C5: variants seen among roughly 807,000 people sequenced by gnomAD.
C5 encodes C3 and PZP-like alpha-2-macroglobulin domain-containing protein 4.
Under a neutral mutation model 218.8 loss-of-function variants are expected in C5, and 140 were observed. The observed-to-expected ratio is 0.64, with a 90% CI of 0.56 to 0.74. The LOEUF (loss-of-function observed/expected upper bound fraction) is 0.74, where lower values mean the gene tolerates loss of function less well. Among genes scored for constraint, C5 ranks in the 30% least tolerant of loss-of-function variants. The pLI is 0.00. For missense variants in C5, 1,700 were observed against 1,969.6 expected (o/e 0.86, Z 2.59); for synonymous variants, 614 against 682.3 (o/e 0.90, Z 1.56).
chr9:120,980,231 TTTAA>T lies in C5; in HGVS notation c.3506_3509del (p.Ile1169LysfsTer43), dbSNP rs1394824996. On this transcript the variant is annotated frameshift_variant, in exon 28 of 41. Coordinates refer to ENST00000223642, the MANE Select transcript of C5 (RefSeq NM_001735.3). LOFTEE classifies it high-confidence loss of function. Reference sequence around the variant, plus strand: ...TATTTTCAAGCAGAAAGTTGTCAGCTTTAATTAGAGCTGTGTCGATTTTCTGGAA... The same window carrying T: ...TATTTTCAAGCAGAAAGTTGTCAGCTTTAGAGCTGTGTCGATTTTCTGGAA... The T allele has an allele frequency of 6.2e-7, 1 of 1,614,070 alleles. No individual in the cohort carries two copies. Among genetic ancestry groups the T allele is most frequent in the Non-Finnish European group, 8.5e-7 (1 of 1,180,030 alleles).
chr9:120,956,121 C>CATCTTAG (rs1329403527), intron 39 of C5, among the ~76,000 whole-genome samples: 4 of 151,888 alleles, frequency 2.6e-5, no homozygotes, highest in Admixed American at 6.6e-5. Context: ...CATGTAAGAC[C>CATCTTAG]CCATCTCCGC....
intron 4 of C5, among the ~76,000 whole-genome samples, chr9:121,037,302 G>GTTTTTTTTTTTTTTT (rs201849062): frequency 1.5e-5 from 2 of 136,718 alleles, no homozygotes; most frequent in Non-Finnish European, 3.2e-5. Flanking sequence ...TTGTTTTTTG[G>GTTTTTTTTTTTTTTT]TTTTTTTTTT....
chr9:121,036,537 A>T (rs1383529349), intron 4 of C5, among the ~76,000 whole-genome samples: 1 of 152,234 alleles, frequency 6.6e-6, no homozygotes, highest in Non-Finnish European at 1.5e-5. Context: ...TCTCTTTCAG[A>T]CATTCTATCA....
At chr9:121,021,202 A>G (rs2047362432) in intron 11 of C5, among the ~76,000 whole-genome samples, 1 of 152,178 alleles carries the variant, frequency 6.6e-6, no homozygotes, top group African/African-American at 2.4e-5. Context: ...GGGGGAAGAG[A>G]GGATATTCCT....
rs750848174 is a variant in C5, at chr9:121,023,455, AT to A, written c.1064del (p.Asn355IlefsTer9). The A allele has an allele frequency of 3.1e-6, 5 of 1,613,888 alleles. No individual in the cohort carries two copies. The Admixed American group carries it at 8.3e-5, about 27-fold the overall frequency. ...IKYVLSPYKLNLVATPLFLKP... is the reference protein window; with the variant it reads ...IKYVLSPYKLXLVATPLFLKP... Reference sequence around the variant, plus strand: ...TCAGGAAAAGAGGAGTAGCAACCAAATTCAGTTTGTAGGGAGAGAGGACATA... The same window carrying A: ...TCAGGAAAAGAGGAGTAGCAACCAAATCAGTTTGTAGGGAGAGAGGACATA... On this transcript the variant is annotated frameshift_variant, in exon 10 of 41. Transcript: ENST00000223642. LOFTEE classifies it high-confidence loss of function.
At chr9:121,000,345 C>T (rs894460357) in intron 20 of C5, among the ~76,000 whole-genome samples, 3 of 152,066 alleles carry the variant, frequency 2.0e-5, no homozygotes, top group African/African-American at 7.2e-5. Context: ...GTAAGAATAA[C>T]AACATCAAAA....
chr9:121,039,169 GC>G (rs1464690891), intron 3 of C5, among the ~76,000 whole-genome samples: 2 of 152,086 alleles, frequency 1.3e-5, no homozygotes, highest in East Asian at 1.9e-4. Context: ...ATAATGCAAA[GC>G]TTTTGCATAG....
intron 10 of C5, 123 bp from the exon 11 acceptor site, chr9:121,021,817 A>T (rs1008308008): frequency 9.6e-5 from 93 of 971,784 alleles, no homozygotes; most frequent in Middle Eastern, 3.0e-4. Context: ...TTTTCTGAAA[A>T]TTTTTTTTCT....
chr9:121,043,710 T>G (rs969493147), intron 2 of C5, among the ~76,000 whole-genome samples: 6 of 149,988 alleles, frequency 4.0e-5, no homozygotes, highest in Middle Eastern at 3.4e-3. Context: ...CTTTTTTTTT[T>G]TTTTTTTTTT....
intron 1 of C5, among the ~76,000 whole-genome samples, chr9:121,046,775 T>A (rs981476222): frequency 4.6e-5 from 7 of 152,212 alleles, no homozygotes; most frequent in Non-Finnish European, 8.8e-5. Flanking sequence ...GTGACCGTGG[T>A]AAAGTCACTA....
At chr9:121,023,542 G>T in intron 9 of C5, 23 bp from the exon 10 acceptor site, 1 of 1,378,500 alleles carries the variant, frequency 7.3e-7, no homozygotes, top group Non-Finnish European at 1.0e-6. Context: ...CAAGCATCAT[G>T]TTGACAGTTT....
intron 16 of C5, among the ~76,000 whole-genome samples, chr9:121,014,845 A>G (rs1214337519): frequency 6.6e-6 from 1 of 152,222 alleles, no homozygotes; most frequent in Non-Finnish European, 1.5e-5. Flanking sequence ...ACTTCTAGGT[A>G]TATCCCCAAA....
intron 6 of C5, 75 bp downstream of exon 6, chr9:121,032,038 G>C: frequency 1.2e-6 from 1 of 857,032 alleles, no homozygotes; most frequent in Non-Finnish European, 1.9e-6. Flanking sequence ...ACTCCAGCCT[G>C]GGCAACAGAG....
intron 15 of C5, 43 bp downstream of exon 15, chr9:121,016,211 T>C (rs751583941): frequency 3.7e-6 from 6 of 1,612,402 alleles, no homozygotes; most frequent in African/African-American, 1.3e-5. Flanking sequence ...GGGGGGCAAA[T>C]GATCAATGGG....
At chr9:121,017,338 G>T in intron 14 of C5, 24 bp downstream of exon 14, 1 of 1,612,814 alleles carries the variant, frequency 6.2e-7, no homozygotes, top group Non-Finnish European at 8.5e-7. Context: ...ATGCAACACT[G>T]CAGCGAGACA....
rs372637985 is a variant in C5, at chr9:120,996,843, G to A, written c.2791-543C>T. 8.2e-4 allele frequency among the ~76,000 whole-genome samples: 124 copies of A among 152,134 alleles called. 1 individual carries two copies. The highest frequency in any genetic ancestry group is 2.8e-3 in the African/African-American group (118 of 41,496). Reference sequence around the variant, plus strand: ...CAGGAAATCCAGTCTGTCATTAATTGGCCATATGACCCTTAGCAAGAATCT... The same window carrying A: ...CAGGAAATCCAGTCTGTCATTAATTAGCCATATGACCCTTAGCAAGAATCT... On this transcript the variant is annotated intron_variant, in intron 21 of 40. Transcript: ENST00000223642.
the C5 span, among the ~76,000 whole-genome samples, chr9:121,071,899 T>G: frequency 6.6e-6 from 1 of 152,194 alleles, no homozygotes; most frequent in Non-Finnish European, 1.5e-5. Flanking sequence ...CACCCTGACG[T>G]GGCTAATATT....
At chr9:121,033,123 A>G (rs1037914857) in intron 5 of C5, among the ~76,000 whole-genome samples, 4 of 152,078 alleles carry the variant, frequency 2.6e-5, no homozygotes, top group African/African-American at 9.7e-5. Context: ...CAGATTGGCT[A>G]TGAAGTCCAC....
chr9:121,057,432 A>G, the C5 span, among the ~76,000 whole-genome samples: 1 of 152,184 alleles, frequency 6.6e-6, no homozygotes, highest in Non-Finnish European at 1.5e-5. Context: ...GAGACAGACC[A>G]TGTAAAAAGA....
Sources: gnomAD v4.1 joint callset for allele counts (sites outside exome capture counted in the v4.1 genomes callset) on GRCh38, gnomAD v4.1.1 for gene constraint, MANE v1.5 for transcripts, NCBI Gene and HGNC (gene_info 2026-07-23, HGNC 2026-07-21) for gene names.